Variants in HCN1 observed in about 807,000 individuals in gnomAD.
HCN1 encodes the protein potassium/sodium hyperpolarization-activated cyclic nucleotide-gated channel 1.
A neutral mutation model predicts 78.9 loss-of-function variants in HCN1; 13 were observed. The ratio of observed to expected loss-of-function variants is 0.16; its 90% CI spans 0.11 to 0.26. The LOEUF is 0.26. Among genes scored for constraint, HCN1 ranks in the 10% least tolerant of loss-of-function variants. The pLI is 1.00. For missense variants in HCN1, 810 were observed against 1,154.3 expected (o/e 0.70, Z 4.32); for synonymous variants, 552 against 455.5 (o/e 1.21, Z -2.70).
chr5:45,387,739 T>C (rs974540616), intron 4 of HCN1, among the ~76,000 whole-genome samples: 1 of 152,148 alleles, frequency 6.6e-6, no homozygotes, highest in Non-Finnish European at 1.5e-5. Context: ...TCCTCACTTA[T>C]TAGTGGGACA....
intron 1 of HCN1, among the ~76,000 whole-genome samples, chr5:45,677,849 A>T (rs1739614463): frequency 6.6e-6 from 1 of 151,924 alleles, no homozygotes; most frequent in South Asian, 2.1e-4. Flanking sequence ...ATAGAGAAAG[A>T]ATTTACATTT....
At chr5:45,620,794 C>T (rs1745045350) in intron 2 of HCN1, among the ~76,000 whole-genome samples, 1 of 152,136 alleles carries the variant, frequency 6.6e-6, no homozygotes, top group Non-Finnish European at 1.5e-5. Flanking sequence ...TCCTTGCAGT[C>T]CCTGTATCTG....
chr5:45,316,246 A>G (rs1322803177), intron 5 of HCN1, among the ~76,000 whole-genome samples: 1 of 152,208 alleles, frequency 6.6e-6, no homozygotes, highest in Non-Finnish European at 1.5e-5. Flanking sequence ...CTGGGATGCA[A>G]GGCTGGTTCA....
Position 45,696,097 on chromosome 5 carries a change from C to T in HCN1, c.-4G>A. The T allele has an allele frequency of 1.5e-6, 2 of 1,332,756 alleles. No individual in the cohort carries two copies. Among genetic ancestry groups the T allele is most frequent in the Non-Finnish European group, 1.9e-6 (2 of 1,029,812 alleles). The allele number at this position is 1,332,756 out of a possible 1,614,324, so 82.6% of individuals were successfully genotyped here. A position where few individuals can be genotyped will look rare whatever the true frequency, so the allele number is the denominator to read the frequency against. The stretch of plus-strand genomic sequence containing the variant: ...TGGGCTTGCCGCCTCCTTCCATGCC[C>T]GGAGGACGCGGCCGGCGACGGCGCG... On this transcript the variant is annotated 5_prime_UTR_variant, in exon 1 of 8. Coordinates refer to ENST00000303230, the MANE Select transcript of HCN1 (RefSeq NM_021072.4).
intron 1 of HCN1, among the ~76,000 whole-genome samples, chr5:45,673,741 CT>C: frequency 6.6e-6 from 1 of 151,612 alleles, no homozygotes; most frequent in South Asian, 2.1e-4. Context: ...CTACAATTAA[CT>C]GATAAGACAT....
intron 3 of HCN1, among the ~76,000 whole-genome samples, chr5:45,410,919 A>G (rs1489581743): frequency 6.6e-6 from 1 of 152,134 alleles, no homozygotes; most frequent in African/African-American, 2.4e-5. Context: ...TAAGCTGTAT[A>G]CAAGTGTAAG....
intron 1 of HCN1, among the ~76,000 whole-genome samples, chr5:45,669,393 G>A (rs964453726): frequency 1.3e-5 from 2 of 151,742 alleles, no homozygotes; most frequent in African/African-American, 4.8e-5. Flanking sequence ...ATGTGGGGGA[G>A]ATCATAAGTT....
intron 2 of HCN1, among the ~76,000 whole-genome samples, chr5:45,474,305 C>T (rs1034643672): frequency 1.3e-5 from 2 of 151,898 alleles, no homozygotes; most frequent in African/African-American, 4.8e-5. Context: ...ATTGATCCTG[C>T]AAGTAGCTTA....
Position 45,684,280 on chromosome 5 carries a change from A to T in HCN1, c.425+11389T>A, listed in dbSNP as rs1580049387. On this transcript the variant is annotated intron_variant, in intron 1 of 7. Coordinates refer to ENST00000303230, the MANE Select transcript of HCN1 (RefSeq NM_021072.4). ...CTAATCATGAATGATTAGTATAATC[A>T]GTAATTATAGCCAATAGAATTATGG... 3.3e-5 allele frequency among the ~76,000 whole-genome samples: 5 copies of T among 152,328 alleles called. No homozygotes were observed. The South Asian group carries it at 1.0e-3, about 32-fold the overall frequency.
intron 2 of HCN1, among the ~76,000 whole-genome samples, chr5:45,632,134 T>A (rs748527959): frequency 1.3e-5 from 2 of 152,012 alleles, no homozygotes; most frequent in Non-Finnish European, 2.9e-5. Context: ...AATAAAAACA[T>A]AAAATTAATG....
At chr5:45,370,573 T>C (rs1747332679) in intron 4 of HCN1, among the ~76,000 whole-genome samples, 1 of 152,048 alleles carries the variant, frequency 6.6e-6, no homozygotes, top group Non-Finnish European at 1.5e-5. Context: ...GTGTAAATAA[T>C]AGAAACTACA....
chr5:45,530,818 A>G (rs1390152067), intron 2 of HCN1, among the ~76,000 whole-genome samples: 1 of 152,196 alleles, frequency 6.6e-6, no homozygotes, highest in Non-Finnish European at 1.5e-5. Context: ...GACAGGTAAC[A>G]TAAATGATAG....
chr5:45,522,787 T>C lies in HCN1; in HGVS notation c.850-60780A>G, dbSNP rs569409265. On this transcript the variant is annotated intron_variant, in intron 2 of 7. Coordinates refer to ENST00000303230, the MANE Select transcript of HCN1 (RefSeq NM_021072.4). ...TCCTGCTGCTTGTTTTCCTAAATAG[T>C]TGAAACACGCTCATGTCATTTATTT... Among the ~76,000 whole-genome samples, 259 of 152,088 alleles carry C rather than the reference T, an allele frequency of 1.7e-3. 1 individual carries two copies. Among genetic ancestry groups the C allele is most frequent in the South Asian group, 2.5e-3 (12 of 4,818 alleles).
chr5:45,444,097 A>G (rs563877366), intron 3 of HCN1, among the ~76,000 whole-genome samples: 120 of 152,252 alleles, frequency 7.9e-4, no homozygotes, highest in Non-Finnish European at 1.3e-3. Context: ...CTCTTGTTCA[A>G]TTCATCATAA....
chr5:45,687,734 T>C (rs1462006783), intron 1 of HCN1, among the ~76,000 whole-genome samples: 2 of 152,190 alleles, frequency 1.3e-5, no homozygotes, highest in Non-Finnish European at 2.9e-5. Flanking sequence ...TATCTTTTGC[T>C]TTCAGTTCCA....
intron 2 of HCN1, among the ~76,000 whole-genome samples, chr5:45,522,199 A>G (rs900055694): frequency 6.6e-6 from 1 of 152,056 alleles, no homozygotes; most frequent in Non-Finnish European, 1.5e-5. Context: ...GTTGTTAAAA[A>G]AAGTCATGTA....
chr5:45,589,819 A>T (rs1450895766), intron 2 of HCN1, among the ~76,000 whole-genome samples: 1 of 152,190 alleles, frequency 6.6e-6, no homozygotes, highest in South Asian at 2.1e-4. Context: ...TAGTTAATTA[A>T]GTTCCTTTAA....
In HCN1 at chr5:45,261,821, A is replaced by C; in HGVS notation, c.*100T>G. ...ACAGCTGTCTAAAATATCTCTTCAT[A>C]GTAGGCTAGAGGGATCTATCAGGAG... On this transcript the variant is annotated 3_prime_UTR_variant, in exon 8 of 8. Coordinates refer to ENST00000303230, the MANE Select transcript of HCN1 (RefSeq NM_021072.4). 7.0e-7 allele frequency: 1 copy of C among 1,438,842 alleles called. No homozygotes were observed. Among genetic ancestry groups the C allele is most frequent in the East Asian group, 2.3e-5 (1 of 44,052 alleles). The allele number at this position is 1,438,842 out of a possible 1,614,324, so 89.1% of individuals were successfully genotyped here. A position where few individuals can be genotyped will look rare whatever the true frequency, so the allele number is the denominator to read the frequency against.
chr5:45,464,930 T>C (rs1352882554), intron 2 of HCN1, among the ~76,000 whole-genome samples: 1 of 152,194 alleles, frequency 6.6e-6, no homozygotes, highest in Non-Finnish European at 1.5e-5. Context: ...CAGCCACAAC[T>C]TATTATTAAT....
Sources: gnomAD v4.1 joint callset for allele counts (sites outside exome capture counted in the v4.1 genomes callset) on GRCh38, gnomAD v4.1.1 for gene constraint, MANE v1.5 for transcripts, NCBI Gene and HGNC (gene_info 2026-07-23, HGNC 2026-07-21) for gene names.